The following SGCZ variants were observed in gnomAD, a reference collection of about 807,000 sequenced individuals.
SGCZ encodes the protein sarcoglycan zeta.
Under a neutral mutation model 41.3 loss-of-function variants are expected in SGCZ, and 40 were observed. That is an observed-to-expected ratio of 0.97 (90% CI 0.75 to 1.26). SGCZ has a LOEUF of 1.26. Among genes scored for constraint, SGCZ ranks in the 50% most tolerant of loss-of-function variants. The pLI, the probability that SGCZ is intolerant of heterozygous loss-of-function variation, is 0.00. For missense variants in SGCZ, 552 were observed against 369.8 expected (o/e 1.49, Z -4.04); for synonymous variants, 206 against 137.5 (o/e 1.50, Z -3.49).
At chr8:14,963,559 G>C (rs996448217) in intron 1 of SGCZ, among the ~76,000 whole-genome samples, 1 of 151,974 alleles carries the variant, frequency 6.6e-6, no homozygotes, top group Non-Finnish European at 1.5e-5. Flanking sequence ...TGTTGCCCAG[G>C]CTGGTTTCGA....
chr8:14,985,587 G>A (rs542932974), intron 1 of SGCZ, among the ~76,000 whole-genome samples: 2 of 152,302 alleles, frequency 1.3e-5, no homozygotes, highest in Admixed American at 6.5e-5. Flanking sequence ...TGCAGGATGT[G>A]TGCTTAATAT....
chr8:15,229,090 G>A (rs892681437), intron 1 of SGCZ, among the ~76,000 whole-genome samples: 16 of 152,126 alleles, frequency 1.1e-4, no homozygotes, highest in African/African-American at 3.9e-4. Context: ...TATTCAGGAG[G>A]CTGAGGTGGG....
chr8:14,325,757 T>TCCC (rs1802080481), intron 2 of SGCZ, among the ~76,000 whole-genome samples: 1 of 33,124 alleles, frequency 3.0e-5, no homozygotes, highest in Admixed American at 4.0e-4. Flanking sequence ...CATATATATA[T>TCCC]ATATATATAT....
intron 2 of SGCZ, among the ~76,000 whole-genome samples, chr8:14,452,875 G>C (rs1278721640): frequency 6.6e-6 from 1 of 152,078 alleles, no homozygotes. Context: ...GGCTGAGACA[G>C]CTGGATCATT....
In SGCZ at chr8:14,230,775, G is replaced by A. The variant is rs79816316; in HGVS notation, c.424+6817C>T. On this transcript the variant is annotated intron_variant, in intron 4 of 7. Coordinates refer to ENST00000382080, the MANE Select transcript of SGCZ (RefSeq NM_139167.4). ...TTTTTTTTGGTGGTGGTGGGGGGGT[G>A]GTTACTCAAACATCTCTTAATAATC... 2.7e-5 allele frequency among the ~76,000 whole-genome samples: 4 copies of A among 148,542 alleles called. No individual in the cohort carries two copies. In the East Asian group the frequency reaches 5.9e-4, roughly 22 times the overall value.
intron 4 of SGCZ, among the ~76,000 whole-genome samples, chr8:14,188,572 G>A (rs562858768): frequency 1.3e-5 from 2 of 152,218 alleles, no homozygotes; most frequent in African/African-American, 4.8e-5. Context: ...GAGAGCGAAA[G>A]GGTTCAGAGT....
In SGCZ at chr8:14,102,440, G is replaced by A; in HGVS notation, c.680C>T (p.Ala227Val). Reference sequence around the variant, plus strand: ...GGTGGCCTTGAAGTCTCCTGCAGCAGCACTCACCTGGACCCCACGGGGAGC... The same window carrying A: ...GGTGGCCTTGAAGTCTCCTGCAGCAACACTCACCTGGACCCCACGGGGAGC... ...MEAPRGVQVS[A>V]AAGDFKATCR... is the part of the protein sequence containing the mutation. The change falls in exon 7 of 8, where the codon GCT becomes GTT. Residue 227 changes from alanine (A) to valine (V), a missense_variant. By Grantham distance (64) the Ala-to-Val change is moderately conservative. Coordinates refer to ENST00000382080, the MANE Select transcript of SGCZ (RefSeq NM_139167.4). The A allele has an allele frequency of 6.5e-7, 1 of 1,536,040 alleles. No homozygotes were observed.
At chr8:15,165,059 A>C (rs1476174150) in intron 1 of SGCZ, among the ~76,000 whole-genome samples, 1 of 152,162 alleles carries the variant, frequency 6.6e-6, no homozygotes, top group Non-Finnish European at 1.5e-5. Context: ...TGGGAGGCCC[A>C]GGTGGGCAGA....
intron 2 of SGCZ, among the ~76,000 whole-genome samples, chr8:14,397,250 G>A (rs1463582389): frequency 6.6e-6 from 1 of 151,952 alleles, no homozygotes; most frequent in Non-Finnish European, 1.5e-5. Context: ...TATAATTTTT[G>A]TAAATTTGAT....
rs546717540 is a variant in SGCZ at position 14,256,641 on chromosome 8, G to T, written c.337-18962C>A. On this transcript the variant is annotated intron_variant, in intron 3 of 7. Coordinates refer to ENST00000382080, the MANE Select transcript of SGCZ (RefSeq NM_139167.4). ...AAAAACTATGATTTTACATTAGAAA[G>T]ATGTAGTTTACCATAACCAATATTT... Among the ~76,000 whole-genome samples, 9 of 152,214 alleles carry T rather than the reference G, an allele frequency of 5.9e-5. No individual in the cohort carries two copies. In the East Asian group the frequency reaches 1.7e-3, roughly 29 times the overall value.
chr8:14,155,975 G>A (rs1803864239), intron 5 of SGCZ, among the ~76,000 whole-genome samples: 1 of 151,862 alleles, frequency 6.6e-6, no homozygotes, highest in East Asian at 1.9e-4. Flanking sequence ...ACACAGAAAA[G>A]GTACAGTAAA....
chr8:15,224,630 G>C (rs1368476873), intron 1 of SGCZ, among the ~76,000 whole-genome samples: 1 of 152,044 alleles, frequency 6.6e-6, no homozygotes, highest in Admixed American at 6.6e-5. Context: ...GCAGTAAATA[G>C]GCAAAGCATT....
intron 4 of SGCZ, among the ~76,000 whole-genome samples, chr8:14,174,739 T>G (rs1804492036): frequency 6.6e-6 from 1 of 152,132 alleles, no homozygotes; most frequent in Non-Finnish European, 1.5e-5. Flanking sequence ...AGGGCTGCTG[T>G]AATAAAGACC....
chr8:15,103,840 A>G (rs1358038309), intron 1 of SGCZ, among the ~76,000 whole-genome samples: 1 of 152,332 alleles, frequency 6.6e-6, no homozygotes, highest in Admixed American at 6.5e-5. Flanking sequence ...CTAAGAAAAT[A>G]TAAAATCTAA....
intron 1 of SGCZ, among the ~76,000 whole-genome samples, chr8:14,960,408 A>G (rs1444854398): frequency 6.6e-6 from 1 of 152,112 alleles, no homozygotes; most frequent in African/African-American, 2.4e-5. Flanking sequence ...TTCTGAGAGT[A>G]AGAACTAGCA....
intron 1 of SGCZ, among the ~76,000 whole-genome samples, chr8:15,236,062 C>G (rs1290699142): frequency 1.3e-5 from 2 of 152,218 alleles, no homozygotes; most frequent in Non-Finnish European, 2.9e-5. Flanking sequence ...AACACAGAAA[C>G]TTGTTGGCCA....
intron 2 of SGCZ, among the ~76,000 whole-genome samples, chr8:14,485,484 C>T (rs932507075): frequency 3.9e-5 from 6 of 152,140 alleles, no homozygotes; most frequent in East Asian, 1.9e-4. Flanking sequence ...CATCTGCCCA[C>T]GTCAGACTCC....
chr8:14,361,126 G>A, intron 2 of SGCZ, among the ~76,000 whole-genome samples: 1 of 152,096 alleles, frequency 6.6e-6, no homozygotes, highest in East Asian at 1.9e-4. Context: ...TCGCTAATTG[G>A]ATTGTTTCTT....
chr8:15,225,318 G>T (rs532557854), intron 1 of SGCZ, among the ~76,000 whole-genome samples: 57 of 151,914 alleles, frequency 3.8e-4, no homozygotes, highest in Non-Finnish European at 5.7e-4. Context: ...CAAAAAAAAA[G>T]ATATATCTAT....
Sources: gnomAD v4.1 joint callset for allele counts (sites outside exome capture counted in the v4.1 genomes callset) on GRCh38, gnomAD v4.1.1 for gene constraint, MANE v1.5 for transcripts, NCBI Gene and HGNC (gene_info 2026-07-23, HGNC 2026-07-21) for gene names.